SUGCT: variants seen among roughly 807,000 people sequenced by gnomAD.
The protein encoded by SUGCT is succinyl-CoA:glutarate CoA-transferase.
A neutral mutation model predicts 55.0 loss-of-function variants in SUGCT; 41 were observed. That is an observed-to-expected ratio of 0.74 (90% CI 0.58 to 0.97). The LOEUF (loss-of-function observed/expected upper bound fraction) is 0.97, where lower values mean the gene tolerates loss of function less well. Ranked by LOEUF, SUGCT falls within the 50% of genes least tolerant of loss-of-function variation. The pLI is 0.00. For missense variants in SUGCT, 568 were observed against 547.8 expected (o/e 1.04, Z -0.37); for synonymous variants, 187 against 200.4 (o/e 0.93, Z 0.56).
intron 12 of SUGCT, among the ~76,000 whole-genome samples, chr7:40,662,887 T>C (rs946752097): frequency 6.6e-6 from 1 of 152,244 alleles, no homozygotes; most frequent in African/African-American, 2.4e-5. Flanking sequence ...GTTTGCTTCT[T>C]GTGATATGTC....
chr7:40,773,270 AG>A (rs1361832720), intron 13 of SUGCT, among the ~76,000 whole-genome samples: 2 of 151,864 alleles, frequency 1.3e-5, no homozygotes, highest in Non-Finnish European at 2.9e-5. Context: ...CTGGGATTAC[AG>A]GCACCTGCCA....
chr7:40,710,273 G>A (rs1007207658), intron 12 of SUGCT, among the ~76,000 whole-genome samples: 1 of 152,148 alleles, frequency 6.6e-6, no homozygotes, highest in Non-Finnish European at 1.5e-5. Flanking sequence ...GCAACACAGA[G>A]GAGATACATT....
At chr7:40,342,105 C>G (rs1222735489) in intron 9 of SUGCT, among the ~76,000 whole-genome samples, 2 of 152,190 alleles carry the variant, frequency 1.3e-5, no homozygotes, top group East Asian at 3.9e-4. Context: ...CAATCTCTCA[C>G]CTGGCAGGGG....
chr7:41,017,770 C>CAAAA, the SUGCT span, among the ~76,000 whole-genome samples: 209 of 113,182 alleles, frequency 1.8e-3, 1 homozygote, highest in South Asian at 3.6e-3. Context: ...GAGTCCGTCT[C>CAAAA]AAAAAAAAAA....
chr7:40,412,014 G>A (rs553780858), intron 9 of SUGCT, among the ~76,000 whole-genome samples: 19 of 152,254 alleles, frequency 1.2e-4, no homozygotes, highest in African/African-American at 3.6e-4. Flanking sequence ...TTAGGCCCAC[G>A]CCATCCACTT....
intron 8 of SUGCT, among the ~76,000 whole-genome samples, chr7:40,284,760 G>GA (rs1438998332): frequency 6.6e-6 from 1 of 151,552 alleles, no homozygotes; most frequent in South Asian, 2.1e-4. Flanking sequence ...AAAACATTGG[G>GA]AAAAAAAAGG....
chr7:40,506,938 C>T lies in SUGCT; in HGVS notation c.1089+10552C>T, dbSNP rs1409396105. ...TATTGATATTATCTCCTTTAGGAGA[C>T]AGTGTCAACATACCTTCCTTTACTT... is the stretch of plus-strand genomic sequence containing the variant. On this transcript the variant is annotated intron_variant, in intron 12 of 13. Transcript: ENST00000335693. 2.0e-5 allele frequency among the ~76,000 whole-genome samples: 3 copies of T among 152,268 alleles called. No homozygotes were observed. The East Asian group carries it at 5.8e-4, about 29-fold the overall frequency.
chr7:40,382,574 C>T (rs776350835), intron 9 of SUGCT, among the ~76,000 whole-genome samples: 1 of 152,118 alleles, frequency 6.6e-6, no homozygotes, highest in African/African-American at 2.4e-5. Flanking sequence ...ACCTTTAACT[C>T]ATAATTATAG....
intron 12 of SUGCT, among the ~76,000 whole-genome samples, chr7:40,687,449 A>T (rs1210859659): frequency 6.6e-6 from 1 of 152,078 alleles, no homozygotes; most frequent in Non-Finnish European, 1.5e-5. Context: ...GTGGCAGATT[A>T]ATTATTTTTT....
intron 7 of SUGCT, among the ~76,000 whole-genome samples, chr7:40,246,424 A>G (rs1789880723): frequency 6.6e-6 from 1 of 150,656 alleles, no homozygotes; most frequent in Non-Finnish European, 1.5e-5. Context: ...TGATTTTTGT[A>G]TTTTTGGTAG....
chr7:40,682,704 T>G (rs1178648913), intron 12 of SUGCT, among the ~76,000 whole-genome samples: 1 of 152,132 alleles, frequency 6.6e-6, no homozygotes, highest in African/African-American at 2.4e-5. Context: ...CATAGAAAAC[T>G]GACTCCCTCC....
intron 9 of SUGCT, among the ~76,000 whole-genome samples, chr7:40,334,283 G>A (rs910906304): frequency 5.3e-5 from 8 of 152,110 alleles, no homozygotes; most frequent in African/African-American, 1.7e-4. Flanking sequence ...GGATGGCTGG[G>A]TCAAATGGTA....
At chr7:40,487,082 T>C (rs866493916) in intron 11 of SUGCT, among the ~76,000 whole-genome samples, 1 of 135,690 alleles carries the variant, frequency 7.4e-6, no homozygotes, top group Non-Finnish European at 1.6e-5. Flanking sequence ...TTCAATCTTT[T>C]TTTTTTTTTT....
At chr7:40,895,624 A>T in the SUGCT span, among the ~76,000 whole-genome samples, 1 of 152,186 alleles carries the variant, frequency 6.6e-6, no homozygotes, top group Non-Finnish European at 1.5e-5. Flanking sequence ...CAGAAAAAAA[A>T]TTTGAAAAAA....
At chr7:40,803,707 C>A (rs1790937040) in intron 13 of SUGCT, among the ~76,000 whole-genome samples, 1 of 152,132 alleles carries the variant, frequency 6.6e-6, no homozygotes, top group African/African-American at 2.4e-5. Context: ...GATCATGCAA[C>A]TAGACACAAA....
intron 12 of SUGCT, among the ~76,000 whole-genome samples, chr7:40,564,300 C>T (rs985261117): frequency 1.3e-5 from 2 of 152,106 alleles, no homozygotes; most frequent in Non-Finnish European, 2.9e-5. Context: ...GGCGTGAATC[C>T]GGGAAGCGGA....
At chr7:40,829,492 AG>A (rs1269728804) in intron 13 of SUGCT, among the ~76,000 whole-genome samples, 1 of 152,242 alleles carries the variant, frequency 6.6e-6, no homozygotes, top group East Asian at 1.9e-4. Context: ...TTCACAAGTT[AG>A]AAATCTGGGT....
At chr7:40,892,261 ATTAAG>A in the SUGCT span, among the ~76,000 whole-genome samples, 1 of 152,316 alleles carries the variant, frequency 6.6e-6, no homozygotes, top group East Asian at 1.9e-4. Flanking sequence ...TGTGGTCATA[ATTAAG>A]TTATTATCAG....
chr7:40,257,712 C>T (rs1790905669), intron 7 of SUGCT, among the ~76,000 whole-genome samples: 1 of 151,672 alleles, frequency 6.6e-6, no homozygotes. Flanking sequence ...CCCGTCTCTA[C>T]AAAAATACAA....
Sources: gnomAD v4.1 joint callset for allele counts (sites outside exome capture counted in the v4.1 genomes callset) on GRCh38, gnomAD v4.1.1 for gene constraint, MANE v1.5 for transcripts, NCBI Gene and HGNC (gene_info 2026-07-23, HGNC 2026-07-21) for gene names.